LRBA: variants seen among roughly 807,000 people sequenced by gnomAD.
LRBA encodes the protein LPS responsive beige-like anchor protein.
LRBA carries 176 observed loss-of-function variants against 330.0 expected under a neutral mutation model. The ratio of observed to expected loss-of-function variants is 0.53; its 90% confidence interval spans 0.47 to 0.60. The LOEUF (loss-of-function observed/expected upper bound fraction) is 0.60, where lower values mean the gene tolerates loss of function less well. Among genes scored for constraint, LRBA ranks in the 20% least tolerant of loss-of-function variants. The pLI is 0.00. For synonymous variants in LRBA, 1,230 were observed against 1,193.0 expected (o/e 1.03, Z -0.64); for missense variants, 3,259 against 3,444.8 (o/e 0.95, Z 1.35).
intron 35 of LRBA, among the ~76,000 whole-genome samples, chr4:150,753,864 A>G (rs1041831042): frequency 2.0e-5 from 3 of 152,088 alleles, no homozygotes; most frequent in African/African-American, 7.2e-5. Context: ...GCAGGAGTTC[A>G]AGACCAGTCT....
chr4:150,628,590 T>A (rs1390868536), intron 37 of LRBA, among the ~76,000 whole-genome samples: 1 of 152,252 alleles, frequency 6.6e-6, no homozygotes, highest in Non-Finnish European at 1.5e-5. Context: ...AAACACATAT[T>A]ATTTCATACA....
chr4:150,415,337 GC>G, intron 47 of LRBA, 100 bp downstream of exon 47: 6 of 988,708 alleles, frequency 6.1e-6, no homozygotes, highest in Non-Finnish European at 9.0e-6. Context: ...ATCACCTACA[GC>G]TTTGTCCAGA....
intron 2 of LRBA, among the ~76,000 whole-genome samples, chr4:150,973,914 T>A (rs552656209): frequency 6.6e-6 from 1 of 152,298 alleles, no homozygotes; most frequent in African/African-American, 2.4e-5. Context: ...TCACTGCAAA[T>A]GAATCTATCA....
chr4:150,648,347 TGACG>T (rs1779400295), intron 37 of LRBA, among the ~76,000 whole-genome samples: 1 of 151,744 alleles, frequency 6.6e-6, no homozygotes, highest in Non-Finnish European at 1.5e-5. Context: ...AGCAAGAGGC[TGACG>T]GATGAACAGG....
chr4:151,002,809 C>T (rs982673454), intron 2 of LRBA, among the ~76,000 whole-genome samples: 1 of 150,314 alleles, frequency 6.7e-6, no homozygotes, highest in East Asian at 2.0e-4. Context: ...TCCAAGAGTT[C>T]GAAGCCAGCC....
rs555765015 is a variant in LRBA at position 150,433,926 on chromosome 4, T to C, written c.7041+1663A>G. Among the ~76,000 whole-genome samples, 21 of 152,236 alleles carry C rather than the reference T, an allele frequency of 1.4e-4. No homozygotes were observed. The South Asian group carries it at 2.5e-3, about 18-fold the overall frequency. On this transcript the variant is annotated intron_variant, in intron 46 of 56. Transcript: ENST00000651943. ...AATAAAAGATTATTTTTGTATACAA[T>C]AGAATCTTCTTTAATAAAGTATCTT...
chr4:150,975,924 G>A (rs2149594521), intron 2 of LRBA, among the ~76,000 whole-genome samples: 1 of 152,178 alleles, frequency 6.6e-6, no homozygotes, highest in Admixed American at 6.5e-5. Context: ...CACTTTGGGA[G>A]GCCAAGGTGG....
intron 37 of LRBA, among the ~76,000 whole-genome samples, chr4:150,619,308 T>C (rs1052178449): frequency 2.0e-5 from 3 of 152,112 alleles, no homozygotes; most frequent in Non-Finnish European, 2.9e-5. Flanking sequence ...ATTTTGACAA[T>C]TGGAAGCTGA....
intron 48 of LRBA, among the ~76,000 whole-genome samples, chr4:150,329,967 T>C (rs1318617291): frequency 6.6e-6 from 1 of 152,168 alleles, no homozygotes; most frequent in Non-Finnish European, 1.5e-5. Context: ...TTGCTGGTTT[T>C]CCCCCTCTAT....
At position 150,760,463 on chromosome 4, in the gene LRBA, G is replaced by A. The variant is rs373688069; in HGVS notation, c.5645+1320C>T. Reference sequence around the variant, plus strand: ...TTCCGCCAGTTATCTTTCCAAACCCGAAATATCACAATGACTCTTTTGTTT... The same window carrying A: ...TTCCGCCAGTTATCTTTCCAAACCCAAAATATCACAATGACTCTTTTGTTT... On this transcript the variant is annotated intron_variant, in intron 35 of 56. Coordinates refer to ENST00000651943, the MANE Select transcript of LRBA (RefSeq NM_001364905.1). 8.6e-5 allele frequency among the ~76,000 whole-genome samples: 13 copies of A among 151,506 alleles called. 1 individual carries two copies. The highest frequency in any genetic ancestry group is 6.8e-3 in the Middle Eastern group (2 of 294).
At chr4:150,898,324 G>A (rs1730340426) in intron 14 of LRBA, among the ~76,000 whole-genome samples, 1 of 152,034 alleles carries the variant, frequency 6.6e-6, no homozygotes, top group Non-Finnish European at 1.5e-5. Flanking sequence ...CATTCATGAA[G>A]AAGGGAAATA....
intron 37 of LRBA, among the ~76,000 whole-genome samples, chr4:150,670,497 G>A (rs546061964): frequency 4.6e-5 from 7 of 152,204 alleles, no homozygotes; most frequent in African/African-American, 1.4e-4. Flanking sequence ...TAATCTTATA[G>A]TTGCCCTTTC....
intron 34 of LRBA, among the ~76,000 whole-genome samples, chr4:150,765,461 T>C (rs901478693): frequency 6.6e-6 from 1 of 152,078 alleles, no homozygotes; most frequent in African/African-American, 2.4e-5. Flanking sequence ...CACATGCCAG[T>C]CTCGTGAAGA....
intron 46 of LRBA, among the ~76,000 whole-genome samples, chr4:150,417,549 C>T (rs923673592): frequency 1.6e-4 from 25 of 152,136 alleles, no homozygotes; most frequent in Non-Finnish European, 1.5e-5. Flanking sequence ...CCGCTGCCCA[C>T]TTCCACCCCC....
At chr4:150,479,398 A>G (rs1757056107) in intron 42 of LRBA, among the ~76,000 whole-genome samples, 1 of 152,234 alleles carries the variant, frequency 6.6e-6, no homozygotes, top group Non-Finnish European at 1.5e-5. Flanking sequence ...TAATTTGTAG[A>G]AAAAGACTTC....
intron 35 of LRBA, among the ~76,000 whole-genome samples, chr4:150,759,515 C>T (rs1348756143): frequency 6.6e-6 from 1 of 152,120 alleles, no homozygotes; most frequent in Non-Finnish European, 1.5e-5. Context: ...CAAGTGCTTG[C>T]TCCAATGTTA....
At chr4:150,567,631 A>AAC (rs1222273460) in intron 40 of LRBA, among the ~76,000 whole-genome samples, 22 of 152,312 alleles carry the variant, frequency 1.4e-4, no homozygotes, top group Admixed American at 5.9e-4. Flanking sequence ...GGATTATGAC[A>AAC]ATTAAAGTGC....
In LRBA at chr4:150,908,513, C is replaced by T. The variant is rs748830355; in HGVS notation, c.1360-46G>A. 3.9e-6 allele frequency: 6 copies of T among 1,538,248 alleles called. No homozygotes were observed. In the East Asian group the frequency reaches 6.8e-5, roughly 17 times the overall value. ...GTAAAGAGTTCAATGATTTTTTTTC[C>T]AAAACAATTAAAAATAAGGCACAAC... On this transcript the variant is annotated intron_variant, in intron 10 of 56. Transcript: ENST00000651943.
rs1415984921 is a variant in LRBA, at chr4:150,321,344, C to G, written c.7477G>C (p.Ala2493Pro). ...QVSPLMFTDK[A>P]QQDVIMVLKF... ...AGGACCATGATAACATCCTGCTGGG[C>G]TTTGTCTGTGAACATCAATGGACTC... Residue 2493 changes from alanine to proline, a missense_variant, in exon 50 of 57, where the codon GCC becomes CCC. Physicochemically the swap from Ala to Pro is conservative, Grantham distance 27. Transcript: ENST00000651943. The surrounding 1 kb of genome is among the most constrained non-coding windows in gnomAD (Gnocchi z 4.5). The G allele has an allele frequency of 1.2e-6, 2 of 1,602,268 alleles. No homozygotes were observed. The highest frequency in any genetic ancestry group is 1.7e-6 in the Non-Finnish European group (2 of 1,176,248).
Sources: gnomAD v4.1 joint callset for allele counts (sites outside exome capture counted in the v4.1 genomes callset) on GRCh38, gnomAD v4.1.1 for gene constraint, Gnocchi (gnomAD v3.1) non-coding constraint, MANE v1.5 for transcripts, NCBI Gene and HGNC (gene_info 2026-07-23, HGNC 2026-07-21) for gene names.